BABAM2: variants seen among roughly 807,000 people sequenced by gnomAD.
The protein encoded by BABAM2 is BRISC and BRCA1 A complex member 2, also known as BRISC and BRCA1-A complex member 2.
A neutral mutation model predicts 54.7 loss-of-function variants in BABAM2; 31 were observed. The observed-to-expected ratio is 0.57, with a 90% CI of 0.43 to 0.77. BABAM2 has a LOEUF of 0.77. BABAM2 is among the 30% of genes least tolerant of loss of function. The probability of loss-of-function intolerance (pLI) is 0.00; values close to 1 mark genes in which losing one functional copy is unlikely to be tolerated. For synonymous variants in BABAM2, 167 were observed against 162.9 expected (o/e 1.03, Z -0.19); for missense variants, 364 against 455.8 (o/e 0.80, Z 1.83).
intron 9 of BABAM2, among the ~76,000 whole-genome samples, chr2:28,242,322 A>G (rs548781933): frequency 2.6e-5 from 4 of 152,286 alleles, no homozygotes; most frequent in South Asian, 4.1e-4. Context: ...CTGTGACACC[A>G]TGGGCGCCTC....
chr2:27,978,563 A>G (rs1671758771), intron 3 of BABAM2, among the ~76,000 whole-genome samples: 1 of 152,214 alleles, frequency 6.6e-6, no homozygotes, highest in South Asian at 2.1e-4. Flanking sequence ...TCAGTCAGTA[A>G]TCATTTAATG....
At chr2:27,978,845 A>T (rs1263565899) in intron 3 of BABAM2, among the ~76,000 whole-genome samples, 1 of 151,974 alleles carries the variant, frequency 6.6e-6, no homozygotes, top group Non-Finnish European at 1.5e-5. Flanking sequence ...CTTTGTGTCC[A>T]TGTATACTCC....
intron 4 of BABAM2, among the ~76,000 whole-genome samples, chr2:28,024,709 C>T (rs1675526709): frequency 6.6e-6 from 1 of 152,102 alleles, no homozygotes; most frequent in South Asian, 2.1e-4. Context: ...TTATGCCTAT[C>T]TTTTTCAGGC....
At chr2:28,163,197 C>T (rs751563822) in intron 7 of BABAM2, among the ~76,000 whole-genome samples, 9 of 152,144 alleles carry the variant, frequency 5.9e-5, no homozygotes, top group Admixed American at 2.6e-4. Flanking sequence ...CAGCCGGCAG[C>T]CACCCTGCTT....
At chr2:28,315,456 C>A (rs1689464198) in intron 11 of BABAM2, among the ~76,000 whole-genome samples, 1 of 127,284 alleles carries the variant, frequency 7.9e-6, no homozygotes, top group African/African-American at 3.0e-5. Flanking sequence ...CTTTTCTTTT[C>A]TTTTCTTTTC....
At chr2:28,211,020 T>C (rs1679396855) in intron 7 of BABAM2, among the ~76,000 whole-genome samples, 1 of 152,238 alleles carries the variant, frequency 6.6e-6, no homozygotes, top group South Asian at 2.1e-4. Flanking sequence ...GATTTCAGAA[T>C]GTAATCTATA....
At chr2:28,333,836 T>C (rs941985067) in intron 11 of BABAM2, among the ~76,000 whole-genome samples, 1 of 152,224 alleles carries the variant, frequency 6.6e-6, no homozygotes, top group Non-Finnish European at 1.5e-5. Context: ...TTTTAAAGCT[T>C]ACTACATACT....
chr2:28,180,669 G>A (rs911423043), intron 7 of BABAM2, among the ~76,000 whole-genome samples: 1 of 152,108 alleles, frequency 6.6e-6, no homozygotes, highest in African/African-American at 2.4e-5. Context: ...AATCAACAGA[G>A]TAAAGAGACA....
At chr2:28,020,801 C>A (rs928936146) in intron 4 of BABAM2, among the ~76,000 whole-genome samples, 1 of 152,024 alleles carries the variant, frequency 6.6e-6, no homozygotes, top group Admixed American at 6.6e-5. Flanking sequence ...AGATTGTTTG[C>A]AGTTTCATGA....
chr2:28,126,345 C>T (rs1669534155), intron 6 of BABAM2, among the ~76,000 whole-genome samples: 1 of 141,378 alleles, frequency 7.1e-6, no homozygotes, highest in Admixed American at 7.5e-5. Flanking sequence ...TTCCTGTGTC[C>T]ATGTGTTCTC....
At chr2:28,290,274 A>G (rs921837318) in intron 10 of BABAM2, among the ~76,000 whole-genome samples, 5 of 152,314 alleles carry the variant, frequency 3.3e-5, no homozygotes, top group African/African-American at 1.2e-4. Context: ...TGTTATCACA[A>G]GTGGGGCTAC....
intron 4 of BABAM2, among the ~76,000 whole-genome samples, chr2:28,023,336 G>C (rs1346639507): frequency 6.6e-6 from 1 of 152,190 alleles, no homozygotes; most frequent in African/African-American, 2.4e-5. Flanking sequence ...GGACTGGTAA[G>C]GAATACTTGA....
intron 3 of BABAM2, among the ~76,000 whole-genome samples, chr2:27,948,920 CT>C (rs1319999258): frequency 2.0e-5 from 3 of 152,124 alleles, no homozygotes; most frequent in Admixed American, 2.0e-4. Context: ...ATGAAGTCCC[CT>C]TTTATACCTA....
At chr2:28,072,309 A>G (rs1664220146) in intron 6 of BABAM2, among the ~76,000 whole-genome samples, 1 of 151,368 alleles carries the variant, frequency 6.6e-6, no homozygotes, top group Non-Finnish European at 1.5e-5. Flanking sequence ...AGTAGCTGGG[A>G]TTATAGGCAC....
chr2:28,295,575 A>C (rs1334807245), intron 10 of BABAM2, among the ~76,000 whole-genome samples: 6 of 152,074 alleles, frequency 3.9e-5, no homozygotes, highest in Non-Finnish European at 8.8e-5. Flanking sequence ...GGCTCACTGC[A>C]ACATCTCTCT....
chr2:27,953,256 C>T (rs940270256), intron 3 of BABAM2, among the ~76,000 whole-genome samples: 1 of 152,122 alleles, frequency 6.6e-6, no homozygotes, highest in Non-Finnish European at 1.5e-5. Context: ...TCATGGCTTA[C>T]TGCAGCCTTG....
intron 2 of BABAM2, among the ~76,000 whole-genome samples, chr2:27,917,014 C>CT (rs753765833): frequency 0.014 from 1,218 of 90,072 alleles, 36 homozygotes; most frequent in Middle Eastern, 0.023. Context: ...TCACTCCAAA[C>CT]TTTTTTTTTT....
At chr2:28,146,557 A>G (rs892751322) in intron 7 of BABAM2, among the ~76,000 whole-genome samples, 2 of 152,234 alleles carry the variant, frequency 1.3e-5, no homozygotes, top group Non-Finnish European at 2.9e-5. Context: ...GCAAAAAACC[A>G]TGAACATGAA....
At chr2:28,260,811 A>G (rs371728560) in intron 10 of BABAM2, among the ~76,000 whole-genome samples, 17 of 152,294 alleles carry the variant, frequency 1.1e-4, no homozygotes, top group East Asian at 9.6e-4. Flanking sequence ...ATTTATTTCA[A>G]TCTTTCATTT....
Sources: allele counts gnomAD v4.1 joint callset (sites outside exome capture counted in the v4.1 genomes callset), GRCh38; gene constraint gnomAD v4.1.1; transcripts MANE v1.5; gene names NCBI Gene and HGNC (gene_info 2026-07-23, HGNC 2026-07-21).